Variants in FSTL5 observed in about 807,000 individuals in gnomAD.
The protein encoded by FSTL5 is follistatin like 5.
FSTL5 carries 62 observed loss-of-function variants against 89.1 expected under a neutral mutation model. That is an observed-to-expected ratio of 0.70 (90% CI 0.57 to 0.86). The LOEUF is 0.86. Ranked by LOEUF, FSTL5 falls within the 40% of genes least tolerant of loss-of-function variation. FSTL5 has a pLI of 0.00. For missense variants in FSTL5, 1,057 were observed against 1,001.6 expected, an observed-to-expected ratio of 1.06 and a Z score of -0.75; for synonymous variants, 383 against 346.2, an observed-to-expected ratio of 1.11 and a Z score of -1.18.
At chr4:162,094,270 C>T (rs1730662787) in intron 2 of FSTL5, among the ~76,000 whole-genome samples, 1 of 152,010 alleles carries the variant, frequency 6.6e-6, no homozygotes, top group Non-Finnish European at 1.5e-5. Flanking sequence ...GCCTGTAATC[C>T]CAGCTACTTG....
At chr4:161,457,483 T>C (rs1359918442) in intron 14 of FSTL5, among the ~76,000 whole-genome samples, 1 of 152,168 alleles carries the variant, frequency 6.6e-6, no homozygotes, top group African/African-American at 2.4e-5. Flanking sequence ...AAGGCTGTTT[T>C]CTGTGTACAA....
chr4:162,097,147 T>C (rs545991005), intron 2 of FSTL5, among the ~76,000 whole-genome samples: 1 of 151,874 alleles, frequency 6.6e-6, no homozygotes, highest in Non-Finnish European at 1.5e-5. Flanking sequence ...TATTTAATCT[T>C]CTCAGAGAAA....
intron 8 of FSTL5, among the ~76,000 whole-genome samples, chr4:161,545,694 T>G (rs554921414): frequency 2.6e-5 from 4 of 151,968 alleles, no homozygotes; most frequent in Non-Finnish European, 5.9e-5. Flanking sequence ...GGGTTACTAG[T>G]TGCATTCCAT....
chr4:161,981,346 C>T (rs998919667), intron 3 of FSTL5, among the ~76,000 whole-genome samples: 3 of 152,096 alleles, frequency 2.0e-5, no homozygotes, highest in Admixed American at 6.6e-5. Flanking sequence ...TAATGATAAT[C>T]ATGTATTTTA....
chr4:161,813,433 C>G (rs75552352), intron 4 of FSTL5, among the ~76,000 whole-genome samples: 100 of 149,800 alleles, frequency 6.7e-4, no homozygotes, highest in African/African-American at 2.3e-3. Context: ...ATTTGGGGGG[C>G]GGGGAGCATG....
In FSTL5 at chr4:161,681,524, T is replaced by C. The variant is rs538622035; in HGVS notation, c.728-25030A>G. On this transcript the variant is annotated intron_variant, in intron 6 of 15. Coordinates refer to ENST00000306100, the MANE Select transcript of FSTL5 (RefSeq NM_020116.5). ...AGGCAGTGCAAGGGATACTCCAAGGTCTGCCCATGACAGTCTCCTAATAGC... is the reference window on the plus strand; with the variant it reads ...AGGCAGTGCAAGGGATACTCCAAGGCCTGCCCATGACAGTCTCCTAATAGC... 6.0e-4 allele frequency among the ~76,000 whole-genome samples: 92 copies of C among 152,208 alleles called. 1 individual carries two copies. The highest frequency in any genetic ancestry group is 2.1e-3 in the African/African-American group (89 of 41,562).
chr4:161,672,745 G>A (rs1219333610), intron 6 of FSTL5, among the ~76,000 whole-genome samples: 2 of 141,930 alleles, frequency 1.4e-5, no homozygotes, highest in Admixed American at 6.9e-5. Flanking sequence ...AAAAAAGTAA[G>A]GTGTTTATTG....
intron 1 of FSTL5, among the ~76,000 whole-genome samples, chr4:162,123,477 A>G (rs557376341): frequency 6.6e-6 from 1 of 152,300 alleles, no homozygotes; most frequent in South Asian, 2.1e-4. Flanking sequence ...TAGTTGCACT[A>G]TAAAGATTCT....
intron 4 of FSTL5, among the ~76,000 whole-genome samples, chr4:161,795,315 A>C (rs1219078132): frequency 6.6e-6 from 1 of 152,122 alleles, no homozygotes; most frequent in Admixed American, 6.5e-5. Context: ...ATTTATTTAA[A>C]ATGGCACTAA....
At chr4:161,416,599 C>T (rs1036382457) in intron 15 of FSTL5, among the ~76,000 whole-genome samples, 1 of 152,110 alleles carries the variant, frequency 6.6e-6, no homozygotes, top group Non-Finnish European at 1.5e-5. Context: ...GATCCCAGCA[C>T]TTTGGGAGGC....
chr4:162,033,590 TA>T (rs770845179), intron 3 of FSTL5, 34 bp downstream of exon 3: 82 of 1,160,164 alleles, frequency 7.1e-5, no homozygotes, highest in Middle Eastern at 4.1e-4. Flanking sequence ...GTTATGAACT[TA>T]TATAATTGTT....
chr4:161,935,409 A>AAGAAATTG, intron 3 of FSTL5, among the ~76,000 whole-genome samples: 1 of 152,110 alleles, frequency 6.6e-6, no homozygotes, highest in Non-Finnish European at 1.5e-5. Flanking sequence ...GTCTTTCTGA[A>AAGAAATTG]AAGATAGATT....
At chr4:161,733,595 T>G (rs1739690626) in intron 6 of FSTL5, among the ~76,000 whole-genome samples, 1 of 152,040 alleles carries the variant, frequency 6.6e-6, no homozygotes, top group Non-Finnish European at 1.5e-5. Flanking sequence ...AAAGAAAGTA[T>G]CGAGTTTGTC....
At chr4:161,796,570 T>C (rs1729639335) in intron 4 of FSTL5, among the ~76,000 whole-genome samples, 1 of 151,830 alleles carries the variant, frequency 6.6e-6, no homozygotes, top group Non-Finnish European at 1.5e-5. Context: ...TATTGAAATC[T>C]TTGGAATTAT....
At chr4:161,492,351 C>T (rs1401793536) in intron 12 of FSTL5, among the ~76,000 whole-genome samples, 1 of 152,064 alleles carries the variant, frequency 6.6e-6, no homozygotes, top group Non-Finnish European at 1.5e-5. Flanking sequence ...AAATTTAGAT[C>T]TCATCTGTAA....
At position 161,938,335 on chromosome 4, in the gene FSTL5, T is replaced by C. The variant is rs1734488167; in HGVS notation, c.161-17683A>G. Among the ~76,000 whole-genome samples the C allele has an allele frequency of 2.0e-5, 3 of 152,248 alleles. No homozygotes were observed. The South Asian group carries it at 6.2e-4, about 32-fold the overall frequency. ...AGTAAATGCTTCATACACTAATTTA[T>C]TTATTTTATGCAAAAACAATAAAAA... is the stretch of plus-strand genomic sequence containing the variant. On this transcript the variant is annotated intron_variant, in intron 3 of 15. Coordinates refer to ENST00000306100, the MANE Select transcript of FSTL5 (RefSeq NM_020116.5).
chr4:161,417,045 G>C (rs1226453758), intron 15 of FSTL5, among the ~76,000 whole-genome samples: 1 of 151,954 alleles, frequency 6.6e-6, no homozygotes, highest in Non-Finnish European at 1.5e-5. Context: ...TAGAAGACTG[G>C]TGATATTTAT....
intron 3 of FSTL5, among the ~76,000 whole-genome samples, chr4:161,940,876 C>G (rs1734562639): frequency 6.6e-6 from 1 of 151,578 alleles, no homozygotes; most frequent in Non-Finnish European, 1.5e-5. Context: ...TAGGTAAATA[C>G]AAAACCAGTA....
intron 7 of FSTL5, among the ~76,000 whole-genome samples, chr4:161,643,354 T>C (rs922679825): frequency 6.6e-6 from 1 of 152,188 alleles, no homozygotes; most frequent in Non-Finnish European, 1.5e-5. Context: ...GAAAAACCAG[T>C]GTGTTCTTAG....
Sources: allele counts gnomAD v4.1 joint callset (sites outside exome capture counted in the v4.1 genomes callset), GRCh38; gene constraint gnomAD v4.1.1; transcripts MANE v1.5; gene names NCBI Gene and HGNC (gene_info 2026-07-23, HGNC 2026-07-21).